The following MTMR9 variants were observed in gnomAD, a reference collection of about 807,000 sequenced individuals.
MTMR9 encodes myotubularin related protein 9.
In MTMR9, 39 loss-of-function variants were observed where a neutral mutation model predicts 69.5. The observed-to-expected ratio is 0.56, with a 90% CI of 0.43 to 0.73. MTMR9 has a LOEUF of 0.73. Ranked by LOEUF, MTMR9 falls within the 30% of genes least tolerant of loss-of-function variation. The pLI is 0.00. For missense variants in MTMR9, 900 were observed against 671.2 expected (o/e 1.34, Z -3.77); for synonymous variants, 354 against 240.8 (o/e 1.47, Z -4.35).
intron 3 of MTMR9, among the ~76,000 whole-genome samples, chr8:11,303,004 G>T (rs1799804135): frequency 6.6e-6 from 1 of 151,754 alleles, no homozygotes; most frequent in Non-Finnish European, 1.5e-5. Flanking sequence ...CTCATGGATA[G>T]AGAGACTGAA....
At chr8:11,311,952 A>G (rs1245266700) in intron 6 of MTMR9, among the ~76,000 whole-genome samples, 1 of 150,910 alleles carries the variant, frequency 6.6e-6, no homozygotes, top group Non-Finnish European at 1.5e-5. Context: ...ATCTCAGGAT[A>G]CTACTTTTCT....
downstream of MTMR9, chr8:11,331,304 C>T (rs1390852819): frequency 3.7e-6 from 6 of 1,614,016 alleles, no homozygotes; most frequent in Admixed American, 8.3e-5. Flanking sequence ...AGGGTTCCAA[C>T]CTGCCCTCGC....
downstream of MTMR9, chr8:11,332,135 G>C: frequency 6.2e-7 from 1 of 1,611,702 alleles, no homozygotes; most frequent in Non-Finnish European, 8.5e-7. Context: ...ATAGAACTTG[G>C]GAGCCCGGGG....
chr8:11,307,595 C>T (rs1368549962), intron 5 of MTMR9, among the ~76,000 whole-genome samples: 2 of 152,160 alleles, frequency 1.3e-5, no homozygotes, highest in Non-Finnish European at 2.9e-5. Flanking sequence ...ATTGCAGTTT[C>T]ATCTTTAATG....
chr8:11,302,273 AAG>A (rs1460423899), intron 3 of MTMR9, among the ~76,000 whole-genome samples: 5 of 111,354 alleles, frequency 4.5e-5, no homozygotes, highest in Non-Finnish European at 7.0e-5. Context: ...AAAAAAAAAA[AAG>A]AGGAAGACAA....
chr8:11,329,046 C>T (rs376279248), downstream of MTMR9, among the ~76,000 whole-genome samples: 23 of 152,238 alleles, frequency 1.5e-4, no homozygotes, highest in South Asian at 1.7e-3. Context: ...GTCCTTTTCC[C>T]ATTGTGTGGT....
rs552626922 is a variant in MTMR9 at position 11,322,838 on chromosome 8, G to T, written c.*50G>T. The T allele has an allele frequency of 6.5e-7, 1 of 1,550,246 alleles. No individual in the cohort carries two copies. Among genetic ancestry groups the T allele is most frequent in the African/African-American group, 1.4e-5 (1 of 72,862 alleles). Reference sequence around the variant, plus strand: ...GGACCTTCTTGGGCCTGTGTCCGCCGTTCTCTCCTTGTGCCCTTCAGTTCA... The same window carrying T: ...GGACCTTCTTGGGCCTGTGTCCGCCTTTCTCTCCTTGTGCCCTTCAGTTCA... On this transcript the variant is annotated 3_prime_UTR_variant, in exon 10 of 10. Coordinates refer to ENST00000221086, the MANE Select transcript of MTMR9 (RefSeq NM_015458.4).
chr8:11,313,359 T>G (rs1800281139), intron 6 of MTMR9, among the ~76,000 whole-genome samples: 1 of 152,222 alleles, frequency 6.6e-6, no homozygotes. Flanking sequence ...ACTTTGTCCA[T>G]GTGAGCAGTA....
chr8:11,336,277 T>C, the MTMR9 span, among the ~76,000 whole-genome samples: 1 of 152,184 alleles, frequency 6.6e-6, no homozygotes, highest in Non-Finnish European at 1.5e-5. Context: ...ATAGCCTCCA[T>C]CCCTACCACA....
chr8:11,329,340 T>C (rs1041411617), downstream of MTMR9, among the ~76,000 whole-genome samples: 2 of 152,330 alleles, frequency 1.3e-5, no homozygotes, highest in South Asian at 2.1e-4. Context: ...TCCCTCTCTT[T>C]CCATGGTCTC....
Position 11,295,272 on chromosome 8 carries a change from G to C in MTMR9, c.261G>C (p.Glu87Asp), listed in dbSNP as rs1237123934. 1 of 1,608,500 alleles carries C rather than the reference G, an allele frequency of 6.2e-7. No homozygotes were observed. The highest frequency in any genetic ancestry group is 8.5e-7 in the Non-Finnish European group (1 of 1,175,668). Residue 87 changes from glutamate to aspartate, a missense_variant, in exon 2 of 10, where the codon GAG (glutamate) becomes GAC (aspartate). Physicochemically the swap from Glu to Asp is conservative, Grantham distance 45 (BLOSUM62 2). Coordinates refer to ENST00000221086, the MANE Select transcript of MTMR9 (RefSeq NM_015458.4). ...TTCAGTTGGATATTCCTGGAATGGA[G>C]GAATGCTTGAATATAGCCAGTTCCA... Reference protein sequence around the residue: ...RIIQLDIPGMEECLNIASSIE... With the variant: ...RIIQLDIPGMDECLNIASSIE...
chr8:11,284,865 C>T lies in MTMR9; in HGVS notation c.-24C>T, dbSNP rs1241885689. On this transcript the variant is annotated 5_prime_UTR_variant, in exon 1 of 10. Transcript: ENST00000221086. ...CGCCTCGCACCTACCGGGCTCGGTT[C>T]CCTGGCTCCGGCCGCGGGGGAGCAT... 3.9e-6 allele frequency: 6 copies of T among 1,540,898 alleles called. No individual in the cohort carries two copies. The East Asian group carries it at 1.0e-4, about 26-fold the overall frequency.
At chr8:11,313,104 A>T (rs1394924917) in intron 6 of MTMR9, among the ~76,000 whole-genome samples, 1 of 152,218 alleles carries the variant, frequency 6.6e-6, no homozygotes, top group Non-Finnish European at 1.5e-5. Flanking sequence ...CAGAATTGCA[A>T]ATAATCACTG....
At chr8:11,286,896 A>G (rs1371560138) in intron 1 of MTMR9, among the ~76,000 whole-genome samples, 5 of 152,018 alleles carry the variant, frequency 3.3e-5, no homozygotes, top group African/African-American at 9.7e-5. Context: ...TCATCTGTGT[A>G]TTTTATTGAC....
Position 11,309,618 on chromosome 8 carries a change from G to T in MTMR9, c.901G>T (p.Ala301Ser). The T allele has an allele frequency of 6.2e-7, 1 of 1,613,920 alleles. No individual in the cohort carries two copies. The highest frequency in any genetic ancestry group is 1.7e-4 in the Middle Eastern group (1 of 6,060). ...GGACCGATGGCTCAGTAAATTGGAG[G>T]CCTCTAACTGGCTGACTCACATCAA... is the stretch of plus-strand genomic sequence containing the variant. ...NMDRWLSKLE[A>S]SNWLTHIKEI... The change falls in exon 6 of 10, where the codon GCC (alanine) becomes TCC (serine). Residue 301 changes from alanine to serine, a missense_variant. Physicochemically the swap from Ala to Ser is moderately conservative, Grantham distance 99. Coordinates refer to ENST00000221086, the MANE Select transcript of MTMR9 (RefSeq NM_015458.4).
intron 6 of MTMR9, among the ~76,000 whole-genome samples, chr8:11,312,474 G>A (rs2409755): frequency 0.61 from 92,486 of 152,056 alleles, 28,635 homozygotes; most frequent in East Asian, 0.86. Flanking sequence ...GGGCTCCATA[G>A]ATGCTGGGGT....
At chr8:11,333,754 C>G in the MTMR9 span, among the ~76,000 whole-genome samples, 17 of 152,230 alleles carry the variant, frequency 1.1e-4, no homozygotes, top group African/African-American at 4.1e-4. Context: ...AAAGGGAGTC[C>G]TTGAAGGTGA....
At chr8:11,310,679 C>T (rs143514448) in intron 6 of MTMR9, among the ~76,000 whole-genome samples, 15 of 152,262 alleles carry the variant, frequency 9.9e-5, no homozygotes, top group Non-Finnish European at 1.5e-4. Flanking sequence ...ATAACAAATA[C>T]ATAATGATTT....
chr8:11,285,216 C>A, intron 1 of MTMR9, 146 bp downstream of exon 1: 2 of 772,046 alleles, frequency 2.6e-6, no homozygotes, highest in Non-Finnish European at 4.0e-6. Flanking sequence ...CAGGATTTAC[C>A]AAGCTGAAAC....
Sources: gnomAD v4.1 joint callset for allele counts (sites outside exome capture counted in the v4.1 genomes callset) on GRCh38, gnomAD v4.1.1 for gene constraint, MANE v1.5 for transcripts, NCBI Gene and HGNC (gene_info 2026-07-23, HGNC 2026-07-21) for gene names.